BBS9: variants seen among roughly 807,000 people sequenced by gnomAD.
The protein encoded by BBS9 is protein PTHB1.
A neutral mutation model predicts 117.7 loss-of-function variants in BBS9; 89 were observed. The observed-to-expected ratio is 0.76, with a 90% CI of 0.64 to 0.90. BBS9 has a LOEUF of 0.90. Ranked by LOEUF, BBS9 falls within the 40% of genes least tolerant of loss-of-function variation. BBS9 has a pLI of 0.00. For missense variants in BBS9, 982 were observed against 1,042.2 expected, an observed-to-expected ratio of 0.94 and a Z score of 0.80; for synonymous variants, 379 against 370.9, an observed-to-expected ratio of 1.02 and a Z score of -0.25.
intron 9 of BBS9, among the ~76,000 whole-genome samples, chr7:33,326,673 C>T (rs1015934270): frequency 1.3e-5 from 2 of 151,886 alleles, no homozygotes; most frequent in Non-Finnish European, 2.9e-5. Flanking sequence ...ATTCAGGGCC[C>T]AAGGGCTCTT....
intron 21 of BBS9, among the ~76,000 whole-genome samples, chr7:33,561,992 T>C (rs945497006): frequency 1.1e-4 from 17 of 152,244 alleles, no homozygotes; most frequent in Non-Finnish European, 1.5e-5. Flanking sequence ...CCCTTAACAA[T>C]TCTATGTAGT....
At chr7:33,239,594 G>A (rs1262867963) in intron 5 of BBS9, among the ~76,000 whole-genome samples, 1 of 152,026 alleles carries the variant, frequency 6.6e-6, no homozygotes, top group Non-Finnish European at 1.5e-5. Flanking sequence ...TCATACAGAT[G>A]TTTTAATTTT....
At chr7:33,299,839 T>C (rs1483211727) in intron 9 of BBS9, among the ~76,000 whole-genome samples, 2 of 152,146 alleles carry the variant, frequency 1.3e-5, no homozygotes, top group Non-Finnish European at 2.9e-5. Flanking sequence ...AAGCCAGTTT[T>C]GGAGCAGGGA....
intron 7 of BBS9, among the ~76,000 whole-genome samples, chr7:33,271,841 A>G (rs1039737632): frequency 3.9e-5 from 6 of 152,146 alleles, no homozygotes; most frequent in Non-Finnish European, 5.9e-5. Context: ...TCTGAACTTA[A>G]TACTTGACCA....
At chr7:33,427,644 A>G (rs1463358111) in intron 19 of BBS9, among the ~76,000 whole-genome samples, 1 of 152,214 alleles carries the variant, frequency 6.6e-6, no homozygotes, top group Non-Finnish European at 1.5e-5. Context: ...TTAGGGAAAG[A>G]AAGACTAGGC....
chr7:33,612,161 G>A (rs1163064484), intron 21 of BBS9, among the ~76,000 whole-genome samples: 3 of 151,776 alleles, frequency 2.0e-5, no homozygotes, highest in South Asian at 4.1e-4. Context: ...GGAAACTGAA[G>A]CTTTTATTTT....
chr7:33,195,743 G>T (rs1226849592), intron 5 of BBS9, among the ~76,000 whole-genome samples: 1 of 144,156 alleles, frequency 6.9e-6, no homozygotes, highest in Non-Finnish European at 1.5e-5. Context: ...TTCTCTCTGT[G>T]TCCTGTGAAA....
At chr7:33,157,652 G>A (rs956106292) in intron 4 of BBS9, 5 of 152,176 alleles carry the variant, frequency 3.3e-5, no homozygotes, top group Admixed American at 2.0e-4. Context: ...TCTAATTTAA[G>A]TGAAACCACT....
chr7:33,259,688 C>CTGAGGG (rs1188800089), intron 6 of BBS9, among the ~76,000 whole-genome samples: 3 of 151,966 alleles, frequency 2.0e-5, no homozygotes, highest in Non-Finnish European at 4.4e-5. Flanking sequence ...TTGCCCTTTA[C>CTGAGGG]TGAGGGTAAG....
intron 19 of BBS9, among the ~76,000 whole-genome samples, chr7:33,478,875 G>GTTTTTTTTTTT (rs10716942): frequency 7.7e-6 from 1 of 130,170 alleles, no homozygotes; most frequent in Non-Finnish European, 1.6e-5. Flanking sequence ...ATGTTAGTGG[G>GTTTTTTTTTTT]TTTTTTTTTT....
intron 21 of BBS9, among the ~76,000 whole-genome samples, chr7:33,566,713 C>T (rs144538343): frequency 6.6e-6 from 1 of 151,426 alleles, no homozygotes; most frequent in East Asian, 1.9e-4. Flanking sequence ...TGTATGTATA[C>T]AGTGCATTTT....
chr7:33,614,087 C>T (rs1388412362), intron 21 of BBS9, among the ~76,000 whole-genome samples: 2 of 152,062 alleles, frequency 1.3e-5, no homozygotes, highest in African/African-American at 4.8e-5. Flanking sequence ...CCTGAGAGGT[C>T]AGCCTGTGCC....
Position 33,257,393 on chromosome 7 carries a change from A to T in BBS9, c.600A>T (p.Gln200His). Reference sequence around the variant, plus strand: ...CCTTCCTTACTGTCTCTTCCTGCCAACAAGTGGAAAGTTATAAGTAAGTTT... The same window carrying T: ...CCTTCCTTACTGTCTCTTCCTGCCATCAAGTGGAAAGTTATAAGTAAGTTT... ...TDSFLTVSSC[Q>H]QVESYKYQVL... Residue 200 changes from glutamine to histidine, a missense_variant, in exon 6 of 23, where the codon CAA becomes CAT. Gln to His is a conservative substitution (Grantham distance 24, BLOSUM62 0). Transcript: ENST00000242067. 6.2e-7 allele frequency: 1 copy of T among 1,613,824 alleles called. No homozygotes were observed. Among genetic ancestry groups the T allele is most frequent in the Admixed American group, 1.7e-5 (1 of 60,010 alleles).
At chr7:33,460,239 A>G (rs1306563496) in intron 19 of BBS9, among the ~76,000 whole-genome samples, 2 of 152,112 alleles carry the variant, frequency 1.3e-5, no homozygotes, top group Admixed American at 1.3e-4. Flanking sequence ...ATAGTCCTTC[A>G]TTTGGGTAAT....
intron 17 of BBS9, among the ~76,000 whole-genome samples, chr7:33,373,309 C>A (rs1409767513): frequency 6.6e-6 from 1 of 152,094 alleles, no homozygotes; most frequent in African/African-American, 2.4e-5. Flanking sequence ...TAGAAGACAA[C>A]GCAGAAGTTT....
intron 7 of BBS9, among the ~76,000 whole-genome samples, chr7:33,272,680 T>C (rs1191720670): frequency 2.0e-5 from 3 of 152,230 alleles, no homozygotes; most frequent in East Asian, 3.9e-4. Flanking sequence ...ATAATGATAG[T>C]TTTTATGGAT....
intron 19 of BBS9, among the ~76,000 whole-genome samples, chr7:33,420,652 CT>C: frequency 6.6e-6 from 1 of 152,054 alleles, no homozygotes; most frequent in South Asian, 2.1e-4. Flanking sequence ...GAGCCCACTG[CT>C]TTTTTTTCTT....
chr7:33,291,650 A>G (rs750166126), intron 9 of BBS9, among the ~76,000 whole-genome samples: 5 of 152,208 alleles, frequency 3.3e-5, no homozygotes, highest in African/African-American at 9.7e-5. Context: ...TGAACCTCCA[A>G]GTGATGCTCA....
At chr7:33,205,400 C>T (rs1226119954) in intron 5 of BBS9, among the ~76,000 whole-genome samples, 1 of 152,162 alleles carries the variant, frequency 6.6e-6, no homozygotes, top group African/African-American at 2.4e-5. Flanking sequence ...TAGCTATTGC[C>T]CACCTATCAG....
Sources: allele counts gnomAD v4.1 joint callset (sites outside exome capture counted in the v4.1 genomes callset), GRCh38; gene constraint gnomAD v4.1.1; transcripts MANE v1.5; gene names NCBI Gene and HGNC (gene_info 2026-07-23, HGNC 2026-07-21).